Variants in ATP11A observed in about 807,000 individuals in gnomAD.
ATP11A encodes phospholipid-transporting ATPase IH.
A neutral mutation model predicts 154.4 loss-of-function variants in ATP11A; 81 were observed. The ratio of observed to expected loss-of-function variants is 0.52; its 90% CI spans 0.44 to 0.63. The LOEUF (loss-of-function observed/expected upper bound fraction) is 0.63, where lower values mean the gene tolerates loss of function less well. Ranked by LOEUF, ATP11A falls within the 30% of genes least tolerant of loss-of-function variation. The pLI is 0.00. For missense variants in ATP11A, 1,316 were observed against 1,474.3 expected, an observed-to-expected ratio of 0.89 and a Z score of 1.76; for synonymous variants, 623 against 585.9, an observed-to-expected ratio of 1.06 and a Z score of -0.91.
chr13:112,724,390 G>A (rs1275779455), intron 1 of ATP11A, among the ~76,000 whole-genome samples: 2 of 152,026 alleles, frequency 1.3e-5, no homozygotes, highest in Non-Finnish European at 2.9e-5. Flanking sequence ...AAGGACTCGC[G>A]GAACTCAGGA....
At chr13:112,756,179 C>G (rs9604421) in intron 1 of ATP11A, among the ~76,000 whole-genome samples, 28,448 of 152,048 alleles carry the variant, frequency 0.19, 2,935 homozygotes, top group African/African-American at 0.27. Context: ...AACTACAAAG[C>G]CAAAACCAAA....
intron 28 of ATP11A, among the ~76,000 whole-genome samples, chr13:112,877,794 C>T (rs771323766): frequency 3.2e-4 from 48 of 152,318 alleles, no homozygotes; most frequent in African/African-American, 9.4e-4. Context: ...CCGAGGGCCA[C>T]GCCCCCGGAT....
At chr13:112,858,356 T>C in intron 22 of ATP11A, 66 bp downstream of exon 22, 1 of 1,506,522 alleles carries the variant, frequency 6.6e-7, no homozygotes, top group African/African-American at 1.4e-5. Flanking sequence ...GCACGACCCT[T>C]GTCTGAGCCA....
intron 1 of ATP11A, among the ~76,000 whole-genome samples, chr13:112,782,830 C>T (rs750133113): frequency 5.9e-5 from 9 of 152,188 alleles, no homozygotes; most frequent in Non-Finnish European, 1.0e-4. Context: ...CCCAAGGTCG[C>T]GCTGAGGAAA....
chr13:112,842,416 G>A (rs1010847329), intron 17 of ATP11A, 37 bp downstream of exon 17: 8 of 1,424,768 alleles, frequency 5.6e-6, no homozygotes, highest in Non-Finnish European at 6.8e-6. Context: ...GTGGCGGTCA[G>A]CTCCCCTGCT....
intron 2 of ATP11A, among the ~76,000 whole-genome samples, chr13:112,794,042 G>A (rs534040416): frequency 3.3e-5 from 5 of 152,316 alleles, no homozygotes; most frequent in Admixed American, 6.5e-5. Context: ...AGTGAGAAAC[G>A]AAAAGAATGA....
chr13:112,775,282 G>A (rs1047784686), intron 1 of ATP11A, among the ~76,000 whole-genome samples: 7 of 152,208 alleles, frequency 4.6e-5, no homozygotes, highest in African/African-American at 9.6e-5. Context: ...CGAAAACAGC[G>A]CCCCTCTCTG....
In ATP11A at chr13:112,851,173, T is replaced by C. The variant is rs748215527; in HGVS notation, c.1946T>C (p.Ile649Thr). 108 of 1,614,046 alleles carry C rather than the reference T, an allele frequency of 6.7e-5. 1 individual carries two copies. In the South Asian group the frequency reaches 1.2e-3, roughly 17 times the overall value. ...AAGTTAGCAGAAGCCTATGAGCAAA[T>C]AGAGAAAGATCTTACTCTGCTTGGT... is the stretch of plus-strand genomic sequence containing the variant. Reference protein sequence around the residue: ...EKKLAEAYEQIEKDLTLLGAT... With the variant: ...EKKLAEAYEQTEKDLTLLGAT... Residue 649 changes from isoleucine (I) to threonine (T), a missense_variant, in exon 18 of 30, where the codon ATA (isoleucine) becomes ACA (threonine). By Grantham distance (89) the Ile-to-Thr change is moderately conservative (BLOSUM62 -1). Transcript: ENST00000375645.
At chr13:112,815,894 A>G (rs2078632745) in intron 5 of ATP11A, among the ~76,000 whole-genome samples, 189 bp from the exon 6 acceptor site, 1 of 152,196 alleles carries the variant, frequency 6.6e-6, no homozygotes, top group Non-Finnish European at 1.5e-5. Flanking sequence ...AAGTTAGAAC[A>G]TTGAAACCTG....
At chr13:112,702,923 GCTGAGAATGTGA>G (rs1479962197) in intron 1 of ATP11A, among the ~76,000 whole-genome samples, 1 of 152,248 alleles carries the variant, frequency 6.6e-6, no homozygotes, top group East Asian at 1.9e-4. Flanking sequence ...GAAAGCAGAT[GCTGAGAATGTGA>G]CTATGGAATG....
At position 112,781,844 on chromosome 13, in the gene ATP11A, C is replaced by CTTTGG. The variant is rs376869317; in HGVS notation, c.40-3286_40-3282dup. On this transcript the variant is annotated intron_variant, in intron 1 of 29. Transcript: ENST00000375645. ...TGGAGAATACAACACAAAGAGCTCC[C>CTTTGG]TTTGGTTTGAAGTGTGAACCTGAAG... Among the ~76,000 whole-genome samples the CTTTGG allele has an allele frequency of 5.9e-4, 89 of 151,314 alleles. No individual in the cohort carries two copies. In the East Asian group the frequency reaches 0.017, roughly 29 times the overall value.
At chr13:112,736,811 T>A (rs1891045956) in intron 1 of ATP11A, among the ~76,000 whole-genome samples, 1 of 152,202 alleles carries the variant, frequency 6.6e-6, no homozygotes, top group African/African-American at 2.4e-5. Context: ...AATTAAAAAC[T>A]TTTGTGCTTC....
intron 9 of ATP11A, 132 bp downstream of exon 9, chr13:112,823,541 GT>G: frequency 6.1e-6 from 4 of 654,612 alleles, no homozygotes; most frequent in Non-Finnish European, 1.0e-5. Flanking sequence ...GGCCGCGCAA[GT>G]TCTGCCCCAC....
intron 13 of ATP11A, 107 bp from the exon 14 acceptor site, chr13:112,832,753 G>A (rs568024411): frequency 2.1e-5 from 29 of 1,409,476 alleles, no homozygotes; most frequent in South Asian, 6.7e-5. Context: ...CTTCGTGGCC[G>A]CGGGGACCCC....
intron 1 of ATP11A, among the ~76,000 whole-genome samples, chr13:112,711,662 A>G (rs1887770442): frequency 6.6e-6 from 1 of 152,234 alleles, no homozygotes; most frequent in African/African-American, 2.4e-5. Context: ...GCCAGGGGTC[A>G]GGGCTTTGGA....
intron 10 of ATP11A, 43 bp downstream of exon 10, chr13:112,824,468 A>G (rs2078881773): frequency 6.4e-7 from 1 of 1,569,440 alleles, no homozygotes; most frequent in Non-Finnish European, 8.8e-7. Flanking sequence ...TAAAAGTGTC[A>G]TTACCCACTG....
At chr13:112,727,772 A>T (rs1890033439) in intron 1 of ATP11A, among the ~76,000 whole-genome samples, 1 of 152,226 alleles carries the variant, frequency 6.6e-6, no homozygotes, top group African/African-American at 2.4e-5. Flanking sequence ...ATCGGCTTTC[A>T]TCTGTTTCTG....
intron 10 of ATP11A, among the ~76,000 whole-genome samples, chr13:112,824,649 C>T (rs1468645650): frequency 1.3e-5 from 2 of 152,170 alleles, no homozygotes; most frequent in African/African-American, 2.4e-5. Context: ...AGGTTCACAG[C>T]GCTGCCTCTT....
At chr13:112,864,506 GCCC>G (rs1566590281) in intron 25 of ATP11A, among the ~76,000 whole-genome samples, 2 of 85,052 alleles carry the variant, frequency 2.4e-5, no homozygotes, top group Admixed American at 1.4e-4. Context: ...ATTCAGTGCA[GCCC>G]GTGCAGCTTC....
Sources: allele counts gnomAD v4.1 joint callset (sites outside exome capture counted in the v4.1 genomes callset), GRCh38; gene constraint gnomAD v4.1.1; transcripts MANE v1.5; gene names NCBI Gene and HGNC (gene_info 2026-07-23, HGNC 2026-07-21).